The following NCOA7 variants were observed in gnomAD, a reference collection of about 807,000 sequenced individuals.
The protein encoded by NCOA7 is 140 kDa estrogen receptor-associated protein.
In NCOA7, 45 loss-of-function variants were observed where a neutral mutation model predicts 104.3. That is an observed-to-expected ratio of 0.43 (90% CI 0.34 to 0.55). The LOEUF is 0.55. Ranked by LOEUF, NCOA7 falls within the 20% of genes least tolerant of loss-of-function variation. The pLI, the probability that NCOA7 is intolerant of heterozygous loss-of-function variation, is 0.02. For missense variants in NCOA7, 1,041 were observed against 1,119.7 expected (o/e 0.93, Z 1.00); for synonymous variants, 398 against 402.3 (o/e 0.99, Z 0.13).
rs9385386 is a variant in NCOA7 at position 125,869,956 on chromosome 6, T to C, written c.272-4933T>C. On this transcript the variant is annotated intron_variant, in intron 3 of 15. Coordinates refer to ENST00000392477, the MANE Select transcript of NCOA7 (RefSeq NM_181782.5). Reference sequence around the variant, plus strand: ...ACCACAAATGTGTAGTAATTTGTTATAGAAACAGTAGGAAACTAGTTCATC... The same window carrying C: ...ACCACAAATGTGTAGTAATTTGTTACAGAAACAGTAGGAAACTAGTTCATC... 3.7e-4 allele frequency among the ~76,000 whole-genome samples: 56 copies of C among 152,372 alleles called. No homozygotes were observed. In the East Asian group the frequency reaches 9.6e-3, roughly 26 times the overall value.
intron 15 of NCOA7, 34 bp downstream of exon 15, chr6:125,928,281 T>TA: frequency 6.3e-7 from 1 of 1,575,100 alleles, no homozygotes; most frequent in Non-Finnish European, 8.6e-7. Context: ...TTCTTATTGT[T>TA]ATTTTACCAC....
At chr6:125,804,895 T>C (rs1420159073) in intron 1 of NCOA7, among the ~76,000 whole-genome samples, 1 of 152,078 alleles carries the variant, frequency 6.6e-6, no homozygotes, top group Admixed American at 6.6e-5. Context: ...GGGTAATTAA[T>C]TTAGTGAATT....
In NCOA7 at chr6:125,920,952, G is replaced by A. The variant is rs746237943; in HGVS notation, c.2254G>A (p.Val752Ile). 1.1e-5 allele frequency: 17 copies of A among 1,613,092 alleles called. No homozygotes were observed. The highest frequency in any genetic ancestry group is 1.4e-5 in the Non-Finnish European group (17 of 1,179,424). ...PTTKSWEIIT[V>I]EEAKRRKSTC... Reference sequence around the variant, plus strand: ...TGTTTTCTCATTTCAGATCATCACTGTTGAAGAGGCAAAGCGCAGGAAGAG... The same window carrying A: ...TGTTTTCTCATTTCAGATCATCACTATTGAAGAGGCAAAGCGCAGGAAGAG... Residue 752 changes from valine to isoleucine, a missense_variant, in exon 12 of 16, where the codon GTT becomes ATT. Val to Ile is a conservative substitution (Grantham distance 29, BLOSUM62 3). This residue lies in a region of NCOA7 where 914 missense variants were observed against 942.7 expected (regional missense o/e 0.97). Transcript: ENST00000392477.
chr6:125,914,960 C>T (rs749861002), intron 10 of NCOA7, among the ~76,000 whole-genome samples: 5 of 151,944 alleles, frequency 3.3e-5, no homozygotes, highest in Non-Finnish European at 7.4e-5. Flanking sequence ...TATCTTTGTT[C>T]CTAGCTAAAG....
At chr6:125,785,814 ACT>A (rs1371100302) in intron 1 of NCOA7, among the ~76,000 whole-genome samples, 1 of 152,188 alleles carries the variant, frequency 6.6e-6, no homozygotes, top group East Asian at 1.9e-4. Flanking sequence ...TATTGGGCTA[ACT>A]CTAAATAATC....
intron 3 of NCOA7, among the ~76,000 whole-genome samples, chr6:125,856,420 T>C (rs1311282602): frequency 1.3e-5 from 2 of 152,130 alleles, no homozygotes; most frequent in Non-Finnish European, 2.9e-5. Context: ...TGGCGCGATC[T>C]CGGCTCACTG....
chr6:125,919,081 T>C (rs996599947), intron 11 of NCOA7: 2 of 507,762 alleles, frequency 3.9e-6, no homozygotes, highest in African/African-American at 1.9e-5. Flanking sequence ...TATCATAGTG[T>C]TGGGAAACCA....
At chr6:125,798,379 A>G (rs1187078897) in intron 1 of NCOA7, among the ~76,000 whole-genome samples, 2 of 152,242 alleles carry the variant, frequency 1.3e-5, no homozygotes, top group Non-Finnish European at 2.9e-5. Context: ...TAATAATAGT[A>G]TCTACCTCCT....
intron 2 of NCOA7, among the ~76,000 whole-genome samples, chr6:125,826,887 A>T (rs918502367): frequency 1.3e-5 from 2 of 152,056 alleles, no homozygotes; most frequent in Non-Finnish European, 2.9e-5. Context: ...CCATGGTGGA[A>T]GGTGGGAGGG....
chr6:125,924,989 A>T (rs1447457776), intron 13 of NCOA7, among the ~76,000 whole-genome samples: 1 of 152,166 alleles, frequency 6.6e-6, no homozygotes, highest in Non-Finnish European at 1.5e-5. Flanking sequence ...CCCTCCACTC[A>T]CAGAGCCATG....
chr6:125,871,093 G>A (rs1782852143), intron 3 of NCOA7, among the ~76,000 whole-genome samples: 1 of 152,186 alleles, frequency 6.6e-6, no homozygotes, highest in South Asian at 2.1e-4. Context: ...GGGACACTTG[G>A]CCAACTTTTC....
intron 1 of NCOA7, chr6:125,797,716 C>T (rs2128549625): frequency 6.6e-6 from 1 of 152,280 alleles, no homozygotes; most frequent in African/African-American, 2.4e-5. Context: ...TCAGGCTATT[C>T]ATGGGTCTGC....
At position 125,863,009 on chromosome 6, in the gene NCOA7, AC is replaced by A. The variant is rs1283361093; in HGVS notation, c.271+7770del. Among the ~76,000 whole-genome samples the A allele has an allele frequency of 2.2e-5, 3 of 139,414 alleles. 1 individual carries two copies. The highest frequency in any genetic ancestry group is 3.1e-5 in the Non-Finnish European group (2 of 65,164). The allele number at this position is 139,414 out of a possible 152,430, so 91.5% of individuals were successfully genotyped here. On this transcript the variant is annotated intron_variant, in intron 3 of 15. Coordinates refer to ENST00000392477, the MANE Select transcript of NCOA7 (RefSeq NM_181782.5). ...GACTTCGTCTCAAAAAAACAAAAAA[AC>A]AAACAAAAAACCCTACTTTACTTAA... is the stretch of plus-strand genomic sequence containing the variant.
Position 125,885,334 on chromosome 6 carries a change from C to G in NCOA7, c.875C>G (p.Ala292Gly), listed in dbSNP as rs773584572. ...NDISHMKIKD[A>G]LPSDLPQDLC... Reference sequence around the variant, plus strand: ...ATTTCTCACATGAAGATCAAAGATGCCTTGCCATCGTAAGACATTTATTTG... The same window carrying G: ...ATTTCTCACATGAAGATCAAAGATGGCTTGCCATCGTAAGACATTTATTTG... Residue 292 changes from alanine to glycine, a missense_variant, in exon 8 of 16, where the codon GCC becomes GGC. Physicochemically the swap from Ala to Gly is moderately conservative, Grantham distance 60. Coordinates refer to ENST00000392477, the MANE Select transcript of NCOA7 (RefSeq NM_181782.5). 19 of 1,612,956 alleles carry G rather than the reference C, an allele frequency of 1.2e-5. No homozygotes were observed. The highest frequency in any genetic ancestry group is 1.6e-5 in the Non-Finnish European group (19 of 1,179,262).
In NCOA7 at chr6:125,902,453, TG is replaced by T. The variant is rs1785589106; in HGVS notation, c.2096+11645del. On this transcript the variant is annotated intron_variant, in intron 10 of 15. Coordinates refer to ENST00000392477, the MANE Select transcript of NCOA7 (RefSeq NM_181782.5). ...TTCAAGTGTTTGACTTAGAAATGTA[TG>T]GTTTTTAAACTTTAACTCATAGCCA... Among the ~76,000 whole-genome samples, 7 of 152,088 alleles carry T rather than the reference TG, an allele frequency of 4.6e-5. 1 individual carries two copies. In the South Asian group the frequency reaches 1.5e-3, roughly 32 times the overall value.
chr6:125,860,528 AG>A (rs1231883714), intron 3 of NCOA7, among the ~76,000 whole-genome samples: 3 of 152,100 alleles, frequency 2.0e-5, no homozygotes, highest in African/African-American at 7.2e-5. Context: ...TTGTATTTTT[AG>A]TAGAGACGGG....
intron 1 of NCOA7, among the ~76,000 whole-genome samples, chr6:125,801,563 C>T (rs566523176): frequency 1.3e-5 from 2 of 152,266 alleles, no homozygotes; most frequent in South Asian, 4.1e-4. Flanking sequence ...TGTATTTTCT[C>T]ACTTTCTGGA....
chr6:125,864,413 C>G (rs1782276408), intron 3 of NCOA7, among the ~76,000 whole-genome samples: 1 of 137,232 alleles, frequency 7.3e-6, no homozygotes, highest in Non-Finnish European at 1.5e-5. Context: ...AAACATCAGT[C>G]TCTCTGATTG....
chr6:125,897,172 T>C (rs550797604), intron 10 of NCOA7, among the ~76,000 whole-genome samples: 1 of 152,372 alleles, frequency 6.6e-6, no homozygotes, highest in East Asian at 1.9e-4. Flanking sequence ...ATATACCTGA[T>C]AGTCCAATTT....
Sources: gnomAD v4.1 joint callset for allele counts (sites outside exome capture counted in the v4.1 genomes callset) on GRCh38, gnomAD v4.1.1 for gene constraint, gnomAD v4.1.1 regional missense constraint, MANE v1.5 for transcripts, NCBI Gene and HGNC (gene_info 2026-07-23, HGNC 2026-07-21) for gene names.